Variants in C5 observed in about 807,000 individuals in gnomAD.
The protein encoded by C5 is complement C5, also known as C3 and PZP-like alpha-2-macroglobulin domain-containing protein 4.
Under a neutral mutation model 218.8 loss-of-function variants are expected in C5, and 140 were observed. That is an observed-to-expected ratio of 0.64 (90% CI 0.56 to 0.74). The LOEUF (loss-of-function observed/expected upper bound fraction) is 0.74, where lower values mean the gene tolerates loss of function less well. C5 is among the 30% of genes least tolerant of loss of function. C5 has a pLI of 0.00. For missense variants in C5, 1,700 were observed against 1,969.6 expected (o/e 0.86, Z 2.59); for synonymous variants, 614 against 682.3 (o/e 0.90, Z 1.56).
intron 25 of C5, among the ~76,000 whole-genome samples, chr9:120,987,936 G>A (rs982677304): frequency 3.3e-5 from 5 of 151,982 alleles, no homozygotes; most frequent in Non-Finnish European, 7.4e-5. Context: ...GGGACTACAG[G>A]CACATGCCAC....
the C5 span, among the ~76,000 whole-genome samples, chr9:121,067,163 G>T: frequency 6.6e-6 from 1 of 152,074 alleles, no homozygotes; most frequent in Non-Finnish European, 1.5e-5. Context: ...AGTTACTCAG[G>T]AGATTGAGGC....
chr9:120,984,579 A>C (rs1306373782), intron 25 of C5, among the ~76,000 whole-genome samples: 1 of 152,138 alleles, frequency 6.6e-6, no homozygotes, highest in East Asian at 1.9e-4. Flanking sequence ...CTTTAGTTAC[A>C]TCTTTGAAAA....
rs766653502 is a variant in C5 at position 120,989,049 on chromosome 9, G to A, written c.3227C>T (p.Thr1076Ile). The change falls in exon 25 of 41, where the codon ACT becomes ATT. Residue 1076 changes from threonine to isoleucine, a missense_variant. Thr to Ile is a moderately conservative substitution (Grantham distance 89). Transcript: ENST00000223642. ...CAACTCAAAATCTTCTACTTACCAA[G>A]TGCTAGCACTTCCACCCTTCCACAC... ...YSVWKGGSAS[T>I]WLTAFALRVL... is the part of the protein sequence containing the mutation. 1 of 1,610,048 alleles carries A rather than the reference G, an allele frequency of 6.2e-7. No homozygotes were observed. The highest frequency in any genetic ancestry group is 1.1e-5 in the South Asian group (1 of 91,010).
intron 30 of C5, among the ~76,000 whole-genome samples, chr9:120,972,262 A>G (rs958758201): frequency 2.0e-5 from 3 of 152,150 alleles, no homozygotes; most frequent in Non-Finnish European, 4.4e-5. Context: ...TTCTGGTTAC[A>G]TTTTCATTTA....
At chr9:120,959,871 C>A (rs953980952) in intron 38 of C5, among the ~76,000 whole-genome samples, 4 of 152,224 alleles carry the variant, frequency 2.6e-5, no homozygotes, top group East Asian at 3.9e-4. Context: ...AAAAACCAAG[C>A]CCCCTAAATC....
chr9:120,963,543 G>T, intron 34 of C5, 93 bp downstream of exon 34: 1 of 899,954 alleles, frequency 1.1e-6, no homozygotes. Context: ...TATAAAAGTG[G>T]TATATTCAAA....
chr9:121,040,897 T>C (rs981837283), intron 3 of C5, among the ~76,000 whole-genome samples: 9 of 152,122 alleles, frequency 5.9e-5, no homozygotes, highest in Admixed American at 1.3e-4. Flanking sequence ...ACTTCTCTCA[T>C]TTTACTCTAC....
At chr9:121,061,239 C>T in the C5 span, among the ~76,000 whole-genome samples, 1 of 151,954 alleles carries the variant, frequency 6.6e-6, no homozygotes, top group Admixed American at 6.6e-5. Context: ...TAGCTCTGGC[C>T]ACTTACATAA....
At chr9:120,984,718 T>A (rs1462577261) in intron 25 of C5, among the ~76,000 whole-genome samples, 1 of 129,320 alleles carries the variant, frequency 7.7e-6, no homozygotes, top group Non-Finnish European at 1.6e-5. Flanking sequence ...CTCTTACTTT[T>A]TTTTTTTTTT....
At chr9:121,060,431 T>G in the C5 span, among the ~76,000 whole-genome samples, 1 of 152,204 alleles carries the variant, frequency 6.6e-6, no homozygotes, top group African/African-American at 2.4e-5. Context: ...AATGCGATCT[T>G]TCTTAGCACT....
intron 7 of C5, among the ~76,000 whole-genome samples, chr9:121,030,024 C>G (rs2047460424): frequency 6.6e-6 from 1 of 152,088 alleles, no homozygotes; most frequent in African/African-American, 2.4e-5. Context: ...TTTCAAGGCA[C>G]TGGGTTTTGA....
chr9:121,003,009 C>T (rs1367625455), intron 20 of C5, among the ~76,000 whole-genome samples: 5 of 152,064 alleles, frequency 3.3e-5, no homozygotes, highest in African/African-American at 4.8e-5. Flanking sequence ...TAAGATAATA[C>T]TGGCCGGGAA....
intron 9 of C5, among the ~76,000 whole-genome samples, chr9:121,023,831 T>A (rs1180456549): frequency 6.6e-6 from 1 of 151,972 alleles, no homozygotes; most frequent in Non-Finnish European, 1.5e-5. Flanking sequence ...ATCAGTGGCC[T>A]GAGTTTCAGT....
chr9:120,993,635 G>T (rs930717029), intron 22 of C5, among the ~76,000 whole-genome samples: 1 of 151,996 alleles, frequency 6.6e-6, no homozygotes, highest in Non-Finnish European at 1.5e-5. Context: ...TTTTAGCCAG[G>T]ATGGTCTCGA....
the C5 span, among the ~76,000 whole-genome samples, chr9:121,062,464 T>TG: frequency 6.6e-6 from 1 of 152,232 alleles, no homozygotes; most frequent in Non-Finnish European, 1.5e-5. Context: ...TGCATGCTCA[T>TG]GAAGCCAGCT....
rs1340246535 is a variant in C5, at chr9:121,023,325, C to G, written c.1116+79G>C. ...GTGACTTCATGGCAACATTCTTACC[C>G]TGTTTGCCACCCACATGTTTTCCAT... On this transcript the variant is annotated intron_variant, in intron 10 of 40. Transcript: ENST00000223642. 8.8e-6 allele frequency: 8 copies of G among 913,842 alleles called. No individual in the cohort carries two copies. The East Asian group carries it at 1.5e-4, about 17-fold the overall frequency. 56.6% of individuals were successfully genotyped at this position (913,842 alleles called of 1,614,324 possible).
At chr9:121,035,044 T>A in intron 4 of C5, 150 bp from the exon 5 acceptor site, 1 of 589,292 alleles carries the variant, frequency 1.7e-6, no homozygotes, top group Non-Finnish European at 3.0e-6. Context: ...AGGATGAAGA[T>A]CTGTTAAATG....
chr9:121,070,280 C>T, the C5 span, among the ~76,000 whole-genome samples: 2 of 151,104 alleles, frequency 1.3e-5, no homozygotes, highest in Non-Finnish European at 2.9e-5. Flanking sequence ...TCGCTTGAAC[C>T]TAGGAGGCAG....
chr9:121,022,026 G>T (rs1280555499), intron 10 of C5, among the ~76,000 whole-genome samples: 1 of 152,144 alleles, frequency 6.6e-6, no homozygotes. Flanking sequence ...TGTATTCTCA[G>T]CTTATAGAAA....
Sources: gnomAD v4.1 joint callset for allele counts (sites outside exome capture counted in the v4.1 genomes callset) on GRCh38, gnomAD v4.1.1 for gene constraint, MANE v1.5 for transcripts, NCBI Gene and HGNC (gene_info 2026-07-23, HGNC 2026-07-21) for gene names.